The following TBC1D4 variants were observed in gnomAD, a reference collection of about 807,000 sequenced individuals.
The protein encoded by TBC1D4 is TBC (Tre-2, BUB2, CDC16) domain-containing protein.
TBC1D4 carries 121 observed loss-of-function variants against 142.5 expected under a neutral mutation model. That is an observed-to-expected ratio of 0.85 (90% CI 0.73 to 0.99). TBC1D4 has a LOEUF of 0.99. Ranked by LOEUF, TBC1D4 falls within the 50% of genes least tolerant of loss-of-function variation. TBC1D4 has a pLI of 0.00. For missense variants in TBC1D4, 1,475 were observed against 1,606.6 expected (o/e 0.92, Z 1.40); for synonymous variants, 630 against 628.2 (o/e 1.00, Z -0.04).
intron 1 of TBC1D4, among the ~76,000 whole-genome samples, chr13:75,408,044 T>G (rs999115145): frequency 6.6e-6 from 1 of 152,206 alleles, no homozygotes; most frequent in Non-Finnish European, 1.5e-5. Flanking sequence ...TACAAAGTTG[T>G]GTGACCATCA....
At chr13:75,373,206 T>A (rs570074583) in intron 1 of TBC1D4, among the ~76,000 whole-genome samples, 76 of 152,296 alleles carry the variant, frequency 5.0e-4, no homozygotes, top group African/African-American at 1.8e-3. Context: ...ACGCCACACA[T>A]TTCTCAGAAA....
At chr13:75,357,043 T>C (rs567888568) in intron 3 of TBC1D4, among the ~76,000 whole-genome samples, 1 of 152,230 alleles carries the variant, frequency 6.6e-6, no homozygotes, top group African/African-American at 2.4e-5. Flanking sequence ...AGATTTGTGC[T>C]GAAATCTTCA....
At chr13:75,387,762 T>G (rs181785742) in intron 1 of TBC1D4, among the ~76,000 whole-genome samples, 1 of 152,318 alleles carries the variant, frequency 6.6e-6, no homozygotes, top group Admixed American at 6.5e-5. Context: ...AGAAGCACAT[T>G]TTGTTATGAG....
At chr13:75,313,314 AG>A (rs1449753993) in intron 12 of TBC1D4, among the ~76,000 whole-genome samples, 1 of 152,222 alleles carries the variant, frequency 6.6e-6, no homozygotes, top group Non-Finnish European at 1.5e-5. Flanking sequence ...CTTATAGAAC[AG>A]GTCAATAAAG....
At chr13:75,389,574 T>G (rs1218345756) in intron 1 of TBC1D4, among the ~76,000 whole-genome samples, 1 of 152,122 alleles carries the variant, frequency 6.6e-6, no homozygotes, top group African/African-American at 2.4e-5. Flanking sequence ...TATTTTTTAA[T>G]GACAAAATAA....
In TBC1D4 at chr13:75,362,193, C is replaced by T; in HGVS notation, c.913G>A (p.Gly305Ser). ...CFPERILEDS[G>S]FDEQQEFRSR... is the part of the protein sequence containing the mutation. Reference sequence around the variant, plus strand: ...CGAAACTCCTGCTGCTCATCAAAGCCAGAATCTTCCAAAATCCGCTCAGGG... The same window carrying T: ...CGAAACTCCTGCTGCTCATCAAAGCTAGAATCTTCCAAAATCCGCTCAGGG... Residue 305 changes from glycine (G) to serine (S), a missense_variant, in exon 2 of 21, where the codon GGC becomes AGC. By Grantham distance (56) the Gly-to-Ser change is moderately conservative (BLOSUM62 0). Around this residue, in one of 2 missense-constraint regions of TBC1D4, gnomAD observed 1,227 missense variants for 1,267.7 expected, o/e 0.97. Transcript: ENST00000377636. The surrounding 1 kb of genome is among the most constrained non-coding windows in gnomAD (Gnocchi z 4.2). 6.2e-7 allele frequency: 1 copy of T among 1,613,818 alleles called. No homozygotes were observed. The highest frequency in any genetic ancestry group is 8.5e-7 in the Non-Finnish European group (1 of 1,180,008).
chr13:75,412,425 G>A (rs1018504214), intron 1 of TBC1D4, among the ~76,000 whole-genome samples: 1 of 152,068 alleles, frequency 6.6e-6, no homozygotes. Flanking sequence ...TGGGATCACA[G>A]GCACATGCTT....
At chr13:75,461,176 G>A (rs376509852) in intron 1 of TBC1D4, among the ~76,000 whole-genome samples, 3 of 152,206 alleles carry the variant, frequency 2.0e-5, no homozygotes, top group African/African-American at 7.2e-5. Context: ...ATATTTGGGA[G>A]CCACTGAATG....
chr13:75,473,041 T>G (rs564236771), intron 1 of TBC1D4, among the ~76,000 whole-genome samples: 1 of 152,262 alleles, frequency 6.6e-6, no homozygotes, highest in African/African-American at 2.4e-5. Flanking sequence ...GTCGCCCAGG[T>G]TGGAGTGCAG....
rs563844347 is a variant in TBC1D4 at position 75,326,771 on chromosome 13, A to G, written c.1807-348T>C. Among the ~76,000 whole-genome samples the G allele has an allele frequency of 3.9e-5, 6 of 152,330 alleles. No individual in the cohort carries two copies. The East Asian group carries it at 1.2e-3, about 29-fold the overall frequency. The stretch of plus-strand genomic sequence containing the variant: ...TGTGATGAAACGCTAGAGCTACTGT[A>G]CTTCTCTCACTGTTGCCAGAGAGAT... On this transcript the variant is annotated intron_variant, in intron 9 of 20. Coordinates refer to ENST00000377636, the MANE Select transcript of TBC1D4 (RefSeq NM_014832.5).
At position 75,313,045 on chromosome 13, in the gene TBC1D4, A is replaced by T. The variant is rs575762492; in HGVS notation, c.2223-147T>A. On this transcript the variant is annotated intron_variant, in intron 12 of 20. Transcript: ENST00000377636. ...CATGGAGCAATGCATCACCAGGCAC[A>T]CTAGTCACCCAGGCCACCACATCCT... The T allele has an allele frequency of 3.4e-4, 293 of 856,084 alleles. 1 individual carries two copies. The South Asian group carries it at 4.1e-3, about 12-fold the overall frequency. 53.0% of individuals were successfully genotyped at this position (856,084 alleles called of 1,614,324 possible). A position where few individuals can be genotyped will look rare whatever the true frequency, so the allele number is the denominator to read the frequency against.
chr13:75,481,581 G>A lies in TBC1D4; in HGVS notation c.187C>T (p.Arg63Cys), dbSNP rs1043679529. 6.2e-7 allele frequency: 1 copy of A among 1,604,398 alleles called. No homozygotes were observed. The highest frequency in any genetic ancestry group is 8.5e-7 in the Non-Finnish European group (1 of 1,175,898). The change falls in exon 1 of 21, where the codon CGC becomes TGC. Residue 63 changes from arginine to cysteine, a missense_variant. Arg to Cys is a radical substitution (Grantham distance 180, BLOSUM62 -3). Coordinates refer to ENST00000377636, the MANE Select transcript of TBC1D4 (RefSeq NM_014832.5). ...GCCTCGGGCTTCTGGCTGCGCCTGC[G>A]GATCTCGGCCATGAGCCAGGGCAGC... ...PMLPWLMAEI[R>C]RRSQKPEAGG...
In TBC1D4 at chr13:75,458,979, C is replaced by T. The variant is rs77052505; in HGVS notation, c.498+22291G>A. On this transcript the variant is annotated intron_variant, in intron 1 of 20. Transcript: ENST00000377636. ...CATCCTTTCTGCCATTCTTTTGCCT[C>T]AAGAGTCTCCCTCCTTACCTCCTCC... is the stretch of plus-strand genomic sequence containing the variant. Among the ~76,000 whole-genome samples, 638 of 152,164 alleles carry T rather than the reference C, an allele frequency of 4.2e-3. 12 individuals carry two copies. Among genetic ancestry groups the T allele is most frequent in the African/African-American group, 0.015 (621 of 41,516 alleles).
At chr13:75,462,307 T>C (rs539481087) in intron 1 of TBC1D4, among the ~76,000 whole-genome samples, 1 of 152,236 alleles carries the variant, frequency 6.6e-6, no homozygotes, top group East Asian at 1.9e-4. Context: ...TCACCCCACA[T>C]CTACAGACCT....
rs78677842 is a variant in TBC1D4, at chr13:75,356,592, C to T, written c.1171-341G>A. ...TTTTCAGTTTACTGTCTTCTTGGCACGGCAGTCTGATATTCATCATAAACC... is the reference window on the plus strand; with the variant it reads ...TTTTCAGTTTACTGTCTTCTTGGCATGGCAGTCTGATATTCATCATAAACC... On this transcript the variant is annotated intron_variant, in intron 3 of 20. Transcript: ENST00000377636. Among the ~76,000 whole-genome samples, 1,421 of 152,260 alleles carry T rather than the reference C, an allele frequency of 9.3e-3. 22 individuals are homozygous for T. The highest frequency in any genetic ancestry group is 0.031 in the African/African-American group (1,285 of 41,538).
At chr13:75,303,334 A>G (rs778287903) in intron 15 of TBC1D4, among the ~76,000 whole-genome samples, 2 of 152,120 alleles carry the variant, frequency 1.3e-5, no homozygotes, top group Admixed American at 1.3e-4. Flanking sequence ...AAGAAATAAT[A>G]TAAGTAGTAA....
intron 1 of TBC1D4, among the ~76,000 whole-genome samples, chr13:75,378,803 GTGTT>G (rs1883660177): frequency 6.6e-6 from 1 of 152,110 alleles, no homozygotes; most frequent in Non-Finnish European, 1.5e-5. Context: ...TGGCCATCAA[GTGTT>G]TGTTTCAAGT....
At chr13:75,339,912 A>C (rs917037475) in intron 7 of TBC1D4, among the ~76,000 whole-genome samples, 1 of 152,152 alleles carries the variant, frequency 6.6e-6, no homozygotes, top group African/African-American at 2.4e-5. Flanking sequence ...AGCAAAGTTT[A>C]TCTCTCCTAA....
intron 13 of TBC1D4, among the ~76,000 whole-genome samples, chr13:75,311,942 T>A (rs889816057): frequency 1.3e-5 from 2 of 152,194 alleles, no homozygotes; most frequent in African/African-American, 4.8e-5. Flanking sequence ...TACTCAAATA[T>A]TATTTATATT....
Sources: allele counts gnomAD v4.1 joint callset (sites outside exome capture counted in the v4.1 genomes callset), GRCh38; gene constraint gnomAD v4.1.1; regional missense constraint gnomAD v4.1.1; non-coding constraint Gnocchi (gnomAD v3.1); transcripts MANE v1.5; gene names NCBI Gene and HGNC (gene_info 2026-07-23, HGNC 2026-07-21).